The following MARCHF5 variants were observed in gnomAD, a reference collection of about 807,000 sequenced individuals.
The protein encoded by MARCHF5 is E3 ubiquitin-protein ligase MARCHF5.
A neutral mutation model predicts 36.5 loss-of-function variants in MARCHF5; 5 were observed. The ratio of observed to expected loss-of-function variants is 0.14; its 90% CI spans 0.07 to 0.29. MARCHF5 has a LOEUF of 0.29. Among genes scored for constraint, MARCHF5 ranks in the 10% least tolerant of loss-of-function variants. The probability of loss-of-function intolerance (pLI) is 1.00; values close to 1 mark genes in which losing one functional copy is unlikely to be tolerated. For synonymous variants in MARCHF5, 103 were observed against 109.9 expected (o/e 0.94, Z 0.39); for missense variants, 179 against 336.3 (o/e 0.53, Z 3.66).
chr10:92,292,174 T>C (rs776751010), intron 1 of MARCHF5, among the ~76,000 whole-genome samples: 1 of 152,098 alleles, frequency 6.6e-6, no homozygotes, highest in African/African-American at 2.4e-5. Context: ...GTTGAGTTCA[T>C]TGAAGACGTT....
At chr10:92,306,895 TC>T (rs959241980) in intron 1 of MARCHF5, among the ~76,000 whole-genome samples, 1 of 152,108 alleles carries the variant, frequency 6.6e-6, no homozygotes. Flanking sequence ...ATGCCTGTAG[TC>T]CCAGTTACTA....
intron 2 of MARCHF5, among the ~76,000 whole-genome samples, chr10:92,329,475 G>T (rs1292577948): frequency 1.3e-5 from 2 of 151,998 alleles, no homozygotes; most frequent in Non-Finnish European, 2.9e-5. Flanking sequence ...TTATATTTTT[G>T]ACTGATAAAT....
intron 3 of MARCHF5, among the ~76,000 whole-genome samples, chr10:92,342,996 T>C (rs1843596844): frequency 6.6e-6 from 1 of 152,324 alleles, no homozygotes; most frequent in African/African-American, 2.4e-5. Context: ...CCCAAAAATA[T>C]GGATACAGTT....
intron 1 of MARCHF5, among the ~76,000 whole-genome samples, chr10:92,301,045 T>C (rs1335417252): frequency 6.6e-6 from 1 of 151,932 alleles, no homozygotes; most frequent in Non-Finnish European, 1.5e-5. Context: ...GCCATCATGC[T>C]CAGCTAATTT....
chr10:92,335,490 T>G (rs1843491538), intron 2 of MARCHF5, among the ~76,000 whole-genome samples: 1 of 152,236 alleles, frequency 6.6e-6, no homozygotes, highest in Non-Finnish European at 1.5e-5. Flanking sequence ...AGTATTAAGC[T>G]AATCTTAGAC....
intron 1 of MARCHF5, among the ~76,000 whole-genome samples, chr10:92,300,891 C>CTTTTT (rs370507190): frequency 3.9e-5 from 5 of 127,754 alleles, no homozygotes; most frequent in East Asian, 2.2e-4. Context: ...CCTCCTAATT[C>CTTTTT]TTTTTTTTTT....
At chr10:92,320,249 G>T (rs931738854) in intron 2 of MARCHF5, among the ~76,000 whole-genome samples, 2 of 151,682 alleles carry the variant, frequency 1.3e-5, no homozygotes, top group African/African-American at 4.9e-5. Context: ...TAGAGACAAG[G>T]TCGTGCTTTG....
At chr10:92,347,786 G>A (rs918717932) in intron 3 of MARCHF5, among the ~76,000 whole-genome samples, 2 of 152,188 alleles carry the variant, frequency 1.3e-5, no homozygotes, top group Admixed American at 6.6e-5. Context: ...GAAGAGGCTA[G>A]CCTCCTGCCC....
intron 1 of MARCHF5, among the ~76,000 whole-genome samples, chr10:92,307,200 TGTGTGTGTGTGTGC>T (rs958374088): frequency 6.7e-5 from 7 of 104,210 alleles, no homozygotes; most frequent in East Asian, 5.3e-4. Flanking sequence ...TGTGTGTGTG[TGTGTGTGTGTGTGC>T]GCGTGCATGC....
intron 5 of MARCHF5, among the ~76,000 whole-genome samples, chr10:92,350,555 G>A (rs1009332097): frequency 3.3e-5 from 5 of 152,182 alleles, no homozygotes; most frequent in Admixed American, 6.5e-5. Flanking sequence ...GCAGGCTTGC[G>A]AGACTGCATC....
intron 3 of MARCHF5, among the ~76,000 whole-genome samples, chr10:92,343,646 C>T (rs1274081408): frequency 3.3e-5 from 5 of 152,136 alleles, no homozygotes; most frequent in East Asian, 1.9e-4. Context: ...CTCAGCTCAC[C>T]GCAACCTCCG....
chr10:92,319,297 C>CTTTTTTT (rs35540447), intron 2 of MARCHF5, among the ~76,000 whole-genome samples: 2 of 142,402 alleles, frequency 1.4e-5, no homozygotes, highest in South Asian at 2.2e-4. Context: ...ATCTACTTTA[C>CTTTTTTT]TTTTTTTTTT....
At chr10:92,321,566 T>G (rs549808279) in intron 2 of MARCHF5, among the ~76,000 whole-genome samples, 12 of 152,094 alleles carry the variant, frequency 7.9e-5, no homozygotes, top group Admixed American at 2.0e-4. Context: ...GGAATCATAC[T>G]GGCTCATAGG....
intron 2 of MARCHF5, among the ~76,000 whole-genome samples, chr10:92,337,848 A>G (rs1429877255): frequency 1.3e-5 from 2 of 151,630 alleles, no homozygotes; most frequent in African/African-American, 4.8e-5. Flanking sequence ...GAGCGTCGAT[A>G]AATGTTCTCT....
At position 92,352,751 on chromosome 10, in the gene MARCHF5, A is replaced by G. The variant is rs1342027486; in HGVS notation, c.*1544A>G. The G allele has an allele frequency of 6.6e-6, 1 of 152,606 alleles. No homozygotes were observed. Among genetic ancestry groups the G allele is most frequent in the Non-Finnish European group, 1.5e-5 (1 of 68,038 alleles). 9.5% of individuals were successfully genotyped at this position (152,606 alleles called of 1,614,324 possible). A position where few individuals can be genotyped will look rare whatever the true frequency, so the allele number is the denominator to read the frequency against. On this transcript the variant is annotated 3_prime_UTR_variant, in exon 6 of 6. Coordinates refer to ENST00000358935, the MANE Select transcript of MARCHF5 (RefSeq NM_017824.5). ...TTTGAGTTATATGATGTTTATTTGA[A>G]TGACTGTTGAACATTCAAATTTGTA...
At chr10:92,312,647 G>T (rs1486516551) in intron 2 of MARCHF5, among the ~76,000 whole-genome samples, 1 of 152,170 alleles carries the variant, frequency 6.6e-6, no homozygotes. Context: ...GCTCTTAGTT[G>T]TACTAAATTA....
At chr10:92,304,873 A>T (rs546770077) in intron 1 of MARCHF5, among the ~76,000 whole-genome samples, 3 of 152,328 alleles carry the variant, frequency 2.0e-5, no homozygotes, top group Non-Finnish European at 2.9e-5. Context: ...AGATTCTATC[A>T]TTAAACCTAT....
At chr10:92,327,626 A>G (rs923276426) in intron 2 of MARCHF5, among the ~76,000 whole-genome samples, 1 of 152,216 alleles carries the variant, frequency 6.6e-6, no homozygotes, top group Non-Finnish European at 1.5e-5. Flanking sequence ...TAATCTCCCA[A>G]CGGTGTATTG....
rs1449358560 is a variant in MARCHF5, at chr10:92,352,736, A to G, written c.*1529A>G. 6.6e-6 allele frequency: 1 copy of G among 152,600 alleles called. No homozygotes were observed. Among genetic ancestry groups the G allele is most frequent in the East Asian group, 1.9e-4 (1 of 5,196 alleles). 9.5% of individuals were successfully genotyped at this position (152,600 alleles called of 1,614,324 possible). ...TATGAATGTCTTAATTTTGAGTTAT[A>G]TGATGTTTATTTGAATGACTGTTGA... On this transcript the variant is annotated 3_prime_UTR_variant, in exon 6 of 6. Coordinates refer to ENST00000358935, the MANE Select transcript of MARCHF5 (RefSeq NM_017824.5).
Sources: allele counts gnomAD v4.1 joint callset (sites outside exome capture counted in the v4.1 genomes callset), GRCh38; gene constraint gnomAD v4.1.1; transcripts MANE v1.5; gene names NCBI Gene and HGNC (gene_info 2026-07-23, HGNC 2026-07-21).